Variants in GALNT13 observed in about 807,000 individuals in gnomAD.
GALNT13 encodes the protein polypeptide N-acetylgalactosaminyltransferase 13.
In GALNT13, 28 loss-of-function variants were observed where a neutral mutation model predicts 64.2. The observed-to-expected ratio is 0.44, with a 90% CI of 0.32 to 0.60. GALNT13 has a LOEUF of 0.60. GALNT13 is among the 20% of genes least tolerant of loss of function. The pLI is 0.05. For synonymous variants in GALNT13, 214 were observed against 224.6 expected, an observed-to-expected ratio of 0.95 and a Z score of 0.42; for missense variants, 577 against 669.8, an observed-to-expected ratio of 0.86 and a Z score of 1.53.
intron 4 of GALNT13, among the ~76,000 whole-genome samples, chr2:154,146,687 G>A (rs1351779591): frequency 4.6e-5 from 7 of 152,012 alleles, no homozygotes; most frequent in Non-Finnish European, 8.8e-5. Context: ...TCTCATACCA[G>A]GAGGAGAAGA....
At chr2:153,230,033 G>C in the GALNT13 span, among the ~76,000 whole-genome samples, 29,445 of 152,118 alleles carry the variant, frequency 0.19, 3,042 homozygotes, top group Non-Finnish European at 0.22. Context: ...ACTTGATAGA[G>C]GCATTAAATA....
At chr2:153,976,553 A>C (rs1694089086) in intron 3 of GALNT13, among the ~76,000 whole-genome samples, 1 of 152,130 alleles carries the variant, frequency 6.6e-6, no homozygotes, top group Admixed American at 6.6e-5. Flanking sequence ...GTAGTAAAAT[A>C]ATTTTGCTCT....
At chr2:153,476,275 T>C in the GALNT13 span, among the ~76,000 whole-genome samples, 1 of 152,240 alleles carries the variant, frequency 6.6e-6, no homozygotes. Flanking sequence ...GTTAACATTG[T>C]TTACACCAGT....
chr2:153,720,459 G>C, the GALNT13 span, among the ~76,000 whole-genome samples: 2 of 150,798 alleles, frequency 1.3e-5, no homozygotes, highest in Non-Finnish European at 3.0e-5. Flanking sequence ...AAGCTGGATG[G>C]AGAAGGATTT....
the GALNT13 span, among the ~76,000 whole-genome samples, chr2:153,819,036 G>A: frequency 6.6e-6 from 1 of 152,136 alleles, no homozygotes; most frequent in African/African-American, 2.4e-5. Context: ...CATGTATTGT[G>A]CTAGGGACTG....
the GALNT13 span, among the ~76,000 whole-genome samples, chr2:153,635,400 A>G: frequency 6.6e-5 from 1 of 15,054 alleles, no homozygotes; most frequent in Non-Finnish European, 1.1e-4. Flanking sequence ...GTAAATATGT[A>G]TATATATATA....
intron 4 of GALNT13, among the ~76,000 whole-genome samples, chr2:154,188,739 A>G (rs1036869362): frequency 4.6e-5 from 7 of 152,144 alleles, no homozygotes; most frequent in African/African-American, 9.7e-5. Context: ...GTTATTTTGG[A>G]AATAAAAATT....
intron 3 of GALNT13, among the ~76,000 whole-genome samples, chr2:154,035,620 A>G (rs1698615571): frequency 6.6e-6 from 1 of 152,090 alleles, no homozygotes; most frequent in Non-Finnish European, 1.5e-5. Context: ...TAGATTAGCA[A>G]AGGCAGAAAT....
At chr2:154,221,079 T>C (rs895615413) in intron 4 of GALNT13, among the ~76,000 whole-genome samples, 7 of 152,024 alleles carry the variant, frequency 4.6e-5, no homozygotes, top group African/African-American at 1.7e-4. Flanking sequence ...TTTTTACCAC[T>C]TACCAATATA....
chr2:153,958,448 T>C (rs376351930), intron 3 of GALNT13, among the ~76,000 whole-genome samples: 4 of 152,222 alleles, frequency 2.6e-5, no homozygotes, highest in African/African-American at 9.6e-5. Flanking sequence ...TATAGAACCA[T>C]GTTTAGGCCA....
chr2:153,545,875 C>A, the GALNT13 span, among the ~76,000 whole-genome samples: 2 of 152,162 alleles, frequency 1.3e-5, no homozygotes, highest in Non-Finnish European at 2.9e-5. Flanking sequence ...ACTTTTCTGC[C>A]CTGGTCAGGG....
the GALNT13 span, among the ~76,000 whole-genome samples, chr2:153,102,387 A>G: frequency 6.6e-6 from 1 of 152,114 alleles, no homozygotes; most frequent in African/African-American, 2.4e-5. Flanking sequence ...TTCAGTGGCT[A>G]CATTGGAAGG....
At chr2:153,366,925 T>C in the GALNT13 span, among the ~76,000 whole-genome samples, 1 of 152,000 alleles carries the variant, frequency 6.6e-6, no homozygotes, top group Non-Finnish European at 1.5e-5. Context: ...GCAGGAACCA[T>C]TATTAAAGTG....
the GALNT13 span, among the ~76,000 whole-genome samples, chr2:153,688,408 C>G: frequency 6.6e-6 from 1 of 151,982 alleles, no homozygotes; most frequent in South Asian, 2.1e-4. Flanking sequence ...TCACTAAATA[C>G]TTTTACTACT....
chr2:153,227,251 G>A, the GALNT13 span, among the ~76,000 whole-genome samples: 1 of 152,176 alleles, frequency 6.6e-6, no homozygotes, highest in Admixed American at 6.5e-5. Context: ...TGATTATATA[G>A]TATTCTCTAG....
chr2:153,072,302 ACAG>A, the GALNT13 span, among the ~76,000 whole-genome samples: 4 of 152,214 alleles, frequency 2.6e-5, no homozygotes, highest in African/African-American at 9.6e-5. Flanking sequence ...TGTGAGGAGC[ACAG>A]CGTGGTGTGC....
At chr2:154,246,096 C>T in intron 7 of GALNT13, 114 bp downstream of exon 7, 1 of 620,924 alleles carries the variant, frequency 1.6e-6, no homozygotes, top group Non-Finnish European at 2.7e-6. Flanking sequence ...ATTCAATATA[C>T]ATATACATTA....
chr2:153,087,392 T>C, the GALNT13 span, among the ~76,000 whole-genome samples: 1 of 152,196 alleles, frequency 6.6e-6, no homozygotes, highest in Non-Finnish European at 1.5e-5. Flanking sequence ...TAGTGTTTTG[T>C]TGATGATCTT....
At position 154,399,725 on chromosome 2, in the gene GALNT13, T is replaced by C. The variant is rs540673826; in HGVS notation, c.1296+3595T>C. ...ATTTTGGATAAAGGCATTCAGACCA[T>C]ATCAAACTAAACCTTTTGTTATATG... On this transcript the variant is annotated intron_variant, in intron 10 of 12. Coordinates refer to ENST00000392825, the MANE Select transcript of GALNT13 (RefSeq NM_052917.4). 2.6e-5 allele frequency among the ~76,000 whole-genome samples: 4 copies of C among 152,248 alleles called. No individual in the cohort carries two copies. The South Asian group carries it at 8.3e-4, about 32-fold the overall frequency.
Sources: gnomAD v4.1 joint callset for allele counts (sites outside exome capture counted in the v4.1 genomes callset) on GRCh38, gnomAD v4.1.1 for gene constraint, MANE v1.5 for transcripts, NCBI Gene and HGNC (gene_info 2026-07-23, HGNC 2026-07-21) for gene names.